The following NKTR variants were observed in gnomAD, a reference collection of about 807,000 sequenced individuals.
The protein encoded by NKTR is NK-tumor recognition protein.
Under a neutral mutation model 156.3 loss-of-function variants are expected in NKTR, and 67 were observed. The ratio of observed to expected loss-of-function variants is 0.43; its 90% CI spans 0.35 to 0.53. The LOEUF is 0.53. Among genes scored for constraint, NKTR ranks in the 20% least tolerant of loss-of-function variants. NKTR has a pLI of 0.01. For missense variants in NKTR, 1,604 were observed against 1,730.9 expected, an observed-to-expected ratio of 0.93 and a Z score of 1.30; for synonymous variants, 640 against 596.6, an observed-to-expected ratio of 1.07 and a Z score of -1.06.
chr3:42,636,382 C>T (rs540684670), intron 12 of NKTR, among the ~76,000 whole-genome samples: 2 of 152,224 alleles, frequency 1.3e-5, no homozygotes, highest in South Asian at 2.1e-4. Context: ...AAGTAGTTTA[C>T]AGTCTTAGGG....
intron 2 of NKTR, among the ~76,000 whole-genome samples, chr3:42,610,569 G>A (rs1368205915): frequency 1.3e-5 from 2 of 150,360 alleles, no homozygotes; most frequent in Non-Finnish European, 1.5e-5. Flanking sequence ...GAATTTCACC[G>A]TGCACTTTTG....
rs912984375 is a variant in NKTR, at chr3:42,647,302, G to A, written c.*1327G>A. 1 of 123,364 alleles carries A rather than the reference G, an allele frequency of 8.1e-6. No individual in the cohort carries two copies. The highest frequency in any genetic ancestry group is 3.5e-5 in the African/African-American group (1 of 28,372). The allele number at this position is 123,364 out of a possible 1,614,324, so 7.6% of individuals were successfully genotyped here. On this transcript the variant is annotated 3_prime_UTR_variant, in exon 17 of 17. Transcript: ENST00000232978. ...TGTGTGTGTGTGTGTGTGTGTGTGTGGTTTTTTTTTTTAATCTTTACTTTG... is the reference window on the plus strand; with the variant it reads ...TGTGTGTGTGTGTGTGTGTGTGTGTAGTTTTTTTTTTTAATCTTTACTTTG...
chr3:42,637,031 A>G lies in NKTR; in HGVS notation c.1327A>G (p.Lys443Glu). Residue 443 changes from lysine to glutamate, a missense_variant, in exon 13 of 17, where the codon AAA (lysine) becomes GAA (glutamate). Lys to Glu is a moderately conservative substitution (Grantham distance 56, BLOSUM62 1). Transcript: ENST00000232978. ...EKKVKHKKKGKKQKHCRRHKQ... is the reference protein window; with the variant it reads ...EKKVKHKKKGEKQKHCRRHKQ... The stretch of plus-strand genomic sequence containing the variant: ...AAAGGTTAAGCATAAAAAGAAAGGG[A>G]AAAAGCAGAAACACTGCAGAAGACA... 1 of 1,611,434 alleles carries G rather than the reference A, an allele frequency of 6.2e-7. No individual in the cohort carries two copies. Among genetic ancestry groups the G allele is most frequent in the Non-Finnish European group, 8.5e-7 (1 of 1,179,374 alleles).
intron 1 of NKTR, 85 bp from the exon 2 acceptor site, chr3:42,600,899 G>A: frequency 1.2e-6 from 1 of 810,292 alleles, no homozygotes; most frequent in South Asian, 2.5e-5. Context: ...CCGTGGCGCG[G>A]ACTTCGTCTC....
intron 2 of NKTR, among the ~76,000 whole-genome samples, chr3:42,606,835 G>A (rs994645145): frequency 6.6e-6 from 1 of 151,812 alleles, no homozygotes; most frequent in Non-Finnish European, 1.5e-5. Flanking sequence ...AACATAGTGA[G>A]ACACTATCCC....
chr3:42,629,412 T>C (rs2125801421), intron 6 of NKTR: 1 of 936,538 alleles, frequency 1.1e-6, no homozygotes, highest in Middle Eastern at 5.5e-4. Flanking sequence ...AACCGAATAT[T>C]CTTAATGTAA....
chr3:42,636,769 G>C, intron 12 of NKTR, 99 bp from the exon 13 acceptor site: 1 of 1,467,956 alleles, frequency 6.8e-7, no homozygotes, highest in South Asian at 1.6e-5. Context: ...TGCTTAAAGT[G>C]TTAATGGGGT....
In NKTR at chr3:42,601,077, CTG is replaced by C. The variant is rs1559542986; in HGVS notation, c.58+14_58+15del. The C allele has an allele frequency of 1.3e-6, 2 of 1,554,368 alleles. No individual in the cohort carries two copies. Among genetic ancestry groups the C allele is most frequent in the Non-Finnish European group, 1.7e-6 (2 of 1,152,766 alleles). On this transcript the variant is annotated intron_variant, in intron 2 of 16. Transcript: ENST00000232978. The stretch of plus-strand genomic sequence containing the variant: ...AACCGGGAGCCGGGTGAGCTGGAAA[CTG>C]GGGAGCGCTGCTGGGGCCGAGGCCT...
chr3:42,634,196 G>T (rs937348305), intron 10 of NKTR, among the ~76,000 whole-genome samples: 1 of 152,274 alleles, frequency 6.6e-6, no homozygotes, highest in East Asian at 1.9e-4. Context: ...AGTTACTTTT[G>T]TTAACTTGTT....
At chr3:42,610,280 A>G (rs1293835219) in intron 2 of NKTR, among the ~76,000 whole-genome samples, 1 of 152,162 alleles carries the variant, frequency 6.6e-6, no homozygotes, top group Non-Finnish European at 1.5e-5. Flanking sequence ...TGCTGGGATT[A>G]TAGGCGTGAG....
chr3:42,632,880 A>G, intron 9 of NKTR, 57 bp downstream of exon 9: 6 of 1,418,800 alleles, frequency 4.2e-6, no homozygotes, highest in Non-Finnish European at 5.5e-6. Flanking sequence ...GGAATGGGAA[A>G]AGTATGTATA....
chr3:42,642,709 C>T, intron 14 of NKTR, 113 bp downstream of exon 14: 1 of 736,084 alleles, frequency 1.4e-6, no homozygotes, highest in East Asian at 2.6e-5. Context: ...GAATATACTA[C>T]TGGCCTATTT....
At chr3:42,609,650 T>C (rs1183603224) in intron 2 of NKTR, among the ~76,000 whole-genome samples, 1 of 152,234 alleles carries the variant, frequency 6.6e-6, no homozygotes, top group Admixed American at 6.5e-5. Flanking sequence ...CTCTAGGGAA[T>C]ATTGGGCACA....
chr3:42,642,126 T>C (rs1222494574), intron 13 of NKTR, among the ~76,000 whole-genome samples: 1 of 152,216 alleles, frequency 6.6e-6, no homozygotes, highest in African/African-American at 2.4e-5. Context: ...ATATCCTTGC[T>C]GAAACATGTA....
intron 16 of NKTR, 31 bp downstream of exon 16, chr3:42,644,034 G>A (rs758424745): frequency 3.2e-5 from 48 of 1,480,092 alleles, no homozygotes; most frequent in Middle Eastern, 3.5e-4. Flanking sequence ...GTCCTTTATC[G>A]CACTGTAGGC....
rs1708770620 is a variant in NKTR at position 42,630,294 on chromosome 3, A to G, written c.375-252A>G. 4.1e-6 allele frequency: 5 copies of G among 1,225,874 alleles called. No homozygotes were observed. The African/African-American group carries it at 6.3e-5, about 15-fold the overall frequency. The allele number at this position is 1,225,874 out of a possible 1,614,324, so 75.9% of individuals were successfully genotyped here. On this transcript the variant is annotated intron_variant, in intron 6 of 16. Transcript: ENST00000232978. ...TATGGCTACAAGTCAAACTGATTTC[A>G]TATGTATGCATACATATAGTCTAAT...
rs749415885 is a variant in NKTR at position 42,637,009 on chromosome 3, G to C, written c.1305G>C (p.Lys435Asn). The stretch of plus-strand genomic sequence containing the variant: ...ATAAAAAACGCAGAAAAGAAAAAAA[G>C]GTTAAGCATAAAAAGAAAGGGAAAA... ...GHHKKRRKEKKVKHKKKGKKQ... is the reference protein window; with the variant it reads ...GHHKKRRKEKNVKHKKKGKKQ... Residue 435 changes from lysine (K) to asparagine (N), a missense_variant, in exon 13 of 17, where the codon AAG becomes AAC. This residue lies in a region of NKTR where 1,255 missense variants were observed against 1,243.7 expected (regional missense o/e 1.01). Transcript: ENST00000232978. The C allele has an allele frequency of 1.5e-5, 24 of 1,612,734 alleles. No individual in the cohort carries two copies. The highest frequency in any genetic ancestry group is 1.8e-5 in the Non-Finnish European group (21 of 1,179,720).
Position 42,601,039 on chromosome 3 carries a change from C to G in NKTR, c.33C>G (p.Phe11Leu). Residue 11 changes from phenylalanine to leucine, a missense_variant, in exon 2 of 17, where the codon TTC becomes TTG. This residue lies in a region of NKTR where 73 missense variants were observed against 90.7 expected (regional missense o/e 0.80). Coordinates refer to ENST00000232978, the MANE Select transcript of NKTR (RefSeq NM_005385.4). MGAQDRPQCH[F>L]DIEINREPVG... ...CGCAGGACCGGCCGCAGTGCCACTT[C>G]GACATCGAGATCAACCGGGAGCCGG... 1.3e-6 allele frequency: 2 copies of G among 1,583,230 alleles called. No homozygotes were observed. Among genetic ancestry groups the G allele is most frequent in the South Asian group, 1.2e-5 (1 of 86,324 alleles).
In NKTR at chr3:42,647,584, A is replaced by T. The variant is rs186764730; in HGVS notation, c.*1609A>T. 2.6e-5 allele frequency: 4 copies of T among 152,278 alleles called. No individual in the cohort carries two copies. Among genetic ancestry groups the T allele is most frequent in the Non-Finnish European group, 5.9e-5 (4 of 68,034 alleles). 9.4% of individuals were successfully genotyped at this position (152,278 alleles called of 1,614,324 possible). ...AGGGTAAGGTGGTCAGTTGTTTGCCAGGTCAATAGACAGAAAGTACATTAG... is the reference window on the plus strand; with the variant it reads ...AGGGTAAGGTGGTCAGTTGTTTGCCTGGTCAATAGACAGAAAGTACATTAG... On this transcript the variant is annotated 3_prime_UTR_variant, in exon 17 of 17. Transcript: ENST00000232978.
Sources: gnomAD v4.1 joint callset for allele counts (sites outside exome capture counted in the v4.1 genomes callset) on GRCh38, gnomAD v4.1.1 for gene constraint, gnomAD v4.1.1 regional missense constraint, MANE v1.5 for transcripts, NCBI Gene and HGNC (gene_info 2026-07-23, HGNC 2026-07-21) for gene names.